ARHGAP15: variants seen among roughly 807,000 people sequenced by gnomAD.
ARHGAP15 encodes Rho GTPase activating protein 15.
ARHGAP15 carries 51 observed loss-of-function variants against 63.7 expected under a neutral mutation model. That is an observed-to-expected ratio of 0.80 (90% confidence interval 0.64 to 1.01). The LOEUF (loss-of-function observed/expected upper bound fraction) is 1.01, where lower values mean the gene tolerates loss of function less well. Among genes scored for constraint, ARHGAP15 ranks in the 50% least tolerant of loss-of-function variants. The pLI is 0.00. For synonymous variants in ARHGAP15, 191 were observed against 193.8 expected, an observed-to-expected ratio of 0.99 and a Z score of 0.12; for missense variants, 560 against 564.6, an observed-to-expected ratio of 0.99 and a Z score of 0.08.
chr2:143,661,297 T>C (rs190890965), intron 12 of ARHGAP15, among the ~76,000 whole-genome samples: 1 of 152,190 alleles, frequency 6.6e-6, no homozygotes, highest in Non-Finnish European at 1.5e-5. Context: ...GAGATTAGGA[T>C]AGGGCCATCA....
intron 6 of ARHGAP15, chr2:143,344,345 A>G (rs1685179967): frequency 6.6e-6 from 1 of 152,148 alleles, no homozygotes. Flanking sequence ...TGTAAATATC[A>G]ACAAGTTTTT....
chr2:143,750,917 T>G (rs572706954), intron 13 of ARHGAP15, among the ~76,000 whole-genome samples: 1 of 152,276 alleles, frequency 6.6e-6, no homozygotes, highest in East Asian at 1.9e-4. Context: ...TAATTAAGCA[T>G]GAATTCAAAG....
At chr2:143,763,254 G>A (rs1686828388) in intron 13 of ARHGAP15, among the ~76,000 whole-genome samples, 1 of 152,036 alleles carries the variant, frequency 6.6e-6, no homozygotes, top group African/African-American at 2.4e-5. Flanking sequence ...TGAAATTGTG[G>A]TTGATTTCCT....
intron 6 of ARHGAP15, among the ~76,000 whole-genome samples, chr2:143,316,257 A>G (rs1683702728): frequency 6.6e-6 from 1 of 152,006 alleles, no homozygotes; most frequent in Non-Finnish European, 1.5e-5. Flanking sequence ...CAAAAATGCC[A>G]TTCTCAAACA....
chr2:143,736,964 G>A (rs535952813), intron 13 of ARHGAP15, among the ~76,000 whole-genome samples: 1 of 152,286 alleles, frequency 6.6e-6, no homozygotes, highest in African/African-American at 2.4e-5. Context: ...TCCAAAGAAA[G>A]TGTTTGCAAA....
rs575965168 is a variant in ARHGAP15 at position 143,738,559 on chromosome 2, CATT to C, written c.1245-29426_1245-29424del. Among the ~76,000 whole-genome samples the C allele has an allele frequency of 9.2e-5, 14 of 152,306 alleles. No homozygotes were observed. The South Asian group carries it at 2.1e-3, about 23-fold the overall frequency. ...AACATCATGGAGACTAACTGATCATCATTATTTATGTGAGATAGGTTCTCTGTA... is the reference window on the plus strand; with the variant it reads ...AACATCATGGAGACTAACTGATCATCATTTATGTGAGATAGGTTCTCTGTA... On this transcript the variant is annotated intron_variant, in intron 13 of 13. Transcript: ENST00000295095.
chr2:143,169,020 T>C (rs944827736), intron 2 of ARHGAP15, among the ~76,000 whole-genome samples: 1 of 152,072 alleles, frequency 6.6e-6, no homozygotes, highest in Non-Finnish European at 1.5e-5. Flanking sequence ...ATGAGGAAGA[T>C]AATGCTACAT....
intron 1 of ARHGAP15, among the ~76,000 whole-genome samples, chr2:143,150,328 C>T (rs1323154727): frequency 6.6e-6 from 1 of 151,954 alleles, no homozygotes; most frequent in African/African-American, 2.4e-5. Context: ...ATTGGGAGAG[C>T]AGCTATGAAA....
chr2:143,562,200 G>A (rs1301690033), intron 11 of ARHGAP15, among the ~76,000 whole-genome samples: 1 of 152,180 alleles, frequency 6.6e-6, no homozygotes, highest in African/African-American at 2.4e-5. Flanking sequence ...GCAAAGCCAA[G>A]CATTAACTTT....
chr2:143,384,676 C>T (rs1039703778), intron 6 of ARHGAP15, among the ~76,000 whole-genome samples: 4 of 152,054 alleles, frequency 2.6e-5, no homozygotes, highest in Non-Finnish European at 5.9e-5. Flanking sequence ...CTTTTCTTGG[C>T]GTCATTCAGG....
intron 6 of ARHGAP15, among the ~76,000 whole-genome samples, chr2:143,413,966 T>TGTGCGCGCGCGCGCGCACGC: frequency 8.5e-5 from 10 of 117,910 alleles, no homozygotes; most frequent in African/African-American, 3.5e-4. Context: ...TGTGTGTGTG[T>TGTGCGCGCGCGCGCGCACGC]GCGCGCTCTC....
chr2:143,370,384 A>G (rs1686496315), intron 6 of ARHGAP15, among the ~76,000 whole-genome samples: 1 of 152,050 alleles, frequency 6.6e-6, no homozygotes, highest in South Asian at 2.1e-4. Context: ...GCACTGGGAG[A>G]TATACCTAAT....
intron 2 of ARHGAP15, among the ~76,000 whole-genome samples, chr2:143,190,184 T>C (rs545153680): frequency 6.6e-6 from 1 of 152,380 alleles, no homozygotes; most frequent in South Asian, 2.1e-4. Flanking sequence ...AGTTAGTAAG[T>C]AGTTAATTTA....
At chr2:143,382,055 T>A (rs987791184) in intron 6 of ARHGAP15, among the ~76,000 whole-genome samples, 3 of 150,824 alleles carry the variant, frequency 2.0e-5, no homozygotes, top group African/African-American at 7.4e-5. Flanking sequence ...TTTCCTTTCT[T>A]GCTTCTTTCC....
At chr2:143,353,646 C>T (rs987066775) in intron 6 of ARHGAP15, among the ~76,000 whole-genome samples, 3 of 152,074 alleles carry the variant, frequency 2.0e-5, no homozygotes, top group Non-Finnish European at 4.4e-5. Flanking sequence ...AACCTGAAAC[C>T]GACAAATGAA....
chr2:143,392,050 G>A (rs1442985369), intron 6 of ARHGAP15, among the ~76,000 whole-genome samples: 1 of 152,122 alleles, frequency 6.6e-6, no homozygotes, highest in Non-Finnish European at 1.5e-5. Flanking sequence ...AAAGGTGACA[G>A]GAATGAATTA....
At chr2:143,431,828 C>G (rs549349623) in intron 6 of ARHGAP15, among the ~76,000 whole-genome samples, 4 of 151,972 alleles carry the variant, frequency 2.6e-5, no homozygotes, top group Non-Finnish European at 5.9e-5. Flanking sequence ...ATGAACGCAT[C>G]CTCTCTATTC....
At chr2:143,317,164 T>C (rs890919790) in intron 6 of ARHGAP15, among the ~76,000 whole-genome samples, 1 of 152,166 alleles carries the variant, frequency 6.6e-6, no homozygotes, top group African/African-American at 2.4e-5. Context: ...CTTGGAAATA[T>C]AAGATCCAGA....
At chr2:143,410,917 T>C (rs924121168) in intron 6 of ARHGAP15, among the ~76,000 whole-genome samples, 1 of 151,704 alleles carries the variant, frequency 6.6e-6, no homozygotes, top group African/African-American at 2.4e-5. Flanking sequence ...GAAAATATCG[T>C]AGGAGGCCAG....
Sources: allele counts gnomAD v4.1 joint callset (sites outside exome capture counted in the v4.1 genomes callset), GRCh38; gene constraint gnomAD v4.1.1; transcripts MANE v1.5; gene names NCBI Gene and HGNC (gene_info 2026-07-23, HGNC 2026-07-21).